Variants in SSBP3 observed in about 807,000 individuals in gnomAD.
The protein encoded by SSBP3 is single-stranded DNA-binding protein 3.
In SSBP3, 5 loss-of-function variants were observed where a neutral mutation model predicts 69.6. The observed-to-expected ratio is 0.07, with a 90% CI of 0.04 to 0.15. SSBP3 has a LOEUF of 0.15. Among genes scored for constraint, SSBP3 ranks in the 10% least tolerant of loss-of-function variants. SSBP3 has a pLI of 1.00. For missense variants in SSBP3, 312 were observed against 534.0 expected, an observed-to-expected ratio of 0.58 and a Z score of 4.10; for synonymous variants, 196 against 193.4, an observed-to-expected ratio of 1.01 and a Z score of -0.11.
At position 54,273,271 on chromosome 1, in the gene SSBP3, G is replaced by T. The variant is rs187874026; in HGVS notation, c.366+8167C>A. 2.0e-5 allele frequency among the ~76,000 whole-genome samples: 3 copies of T among 152,360 alleles called. No individual in the cohort carries two copies. In the East Asian group the frequency reaches 5.8e-4, roughly 29 times the overall value. ...CATGTGGAGTTCACGTTTTTCAGAGGGGGAGGGAGAGGCGGCTCAAGTGTG... is the reference window on the plus strand; with the variant it reads ...CATGTGGAGTTCACGTTTTTCAGAGTGGGAGGGAGAGGCGGCTCAAGTGTG... On this transcript the variant is annotated intron_variant, in intron 5 of 17. Transcript: ENST00000610401.
intron 4 of SSBP3, among the ~76,000 whole-genome samples, chr1:54,287,927 G>T (rs182642368): frequency 6.6e-6 from 1 of 152,138 alleles, no homozygotes; most frequent in Non-Finnish European, 1.5e-5. Context: ...ACCAGCTGAC[G>T]TTAAAAATAG....
At chr1:54,386,364 G>A (rs1294274022) in intron 4 of SSBP3, among the ~76,000 whole-genome samples, 3 of 152,154 alleles carry the variant, frequency 2.0e-5, no homozygotes, top group Admixed American at 6.5e-5. Flanking sequence ...AATGCCCCAC[G>A]GGCACAGCAC....
intron 4 of SSBP3, among the ~76,000 whole-genome samples, chr1:54,291,090 C>T (rs1645597950): frequency 6.6e-6 from 1 of 152,198 alleles, no homozygotes; most frequent in African/African-American, 2.4e-5. Flanking sequence ...CGCTCAGTTC[C>T]AATGACAACT....
At chr1:54,371,700 G>A (rs914233031) in intron 4 of SSBP3, among the ~76,000 whole-genome samples, 6 of 152,168 alleles carry the variant, frequency 3.9e-5, no homozygotes, top group African/African-American at 7.2e-5. Context: ...TGACAACTGC[G>A]TACAGGGACT....
chr1:54,233,731 G>C (rs528028455), intron 14 of SSBP3, among the ~76,000 whole-genome samples: 1 of 149,228 alleles, frequency 6.7e-6, no homozygotes, highest in African/African-American at 2.5e-5. Context: ...TCAGCCCCCC[G>C]CCCAGCCAGC....
chr1:54,407,826 T>A (rs1649885039), upstream of SSBP3, among the ~76,000 whole-genome samples: 1 of 139,054 alleles, frequency 7.2e-6, no homozygotes, highest in Non-Finnish European at 1.5e-5. Flanking sequence ...CTAACATGCC[T>A]CGCACCAAAC....
chr1:54,256,907 G>A (rs768058649), intron 7 of SSBP3, among the ~76,000 whole-genome samples: 2 of 152,198 alleles, frequency 1.3e-5, no homozygotes, highest in Non-Finnish European at 2.9e-5. Flanking sequence ...TCTGGAATGG[G>A]CTGTCCAAAG....
At chr1:54,276,483 C>T (rs1267632045) in intron 5 of SSBP3, among the ~76,000 whole-genome samples, 2 of 151,598 alleles carry the variant, frequency 1.3e-5, no homozygotes, top group Non-Finnish European at 1.5e-5. Flanking sequence ...TGGTGGTGAG[C>T]GCCTGTAATC....
intron 5 of SSBP3, among the ~76,000 whole-genome samples, chr1:54,276,094 C>T (rs603901): frequency 0.63 from 95,129 of 152,000 alleles, 30,404 homozygotes; most frequent in African/African-American, 0.74. Context: ...GAGGACTCAA[C>T]GGAAAGGGGA....
intron 4 of SSBP3, among the ~76,000 whole-genome samples, chr1:54,371,151 C>G (rs1356460317): frequency 6.6e-6 from 1 of 152,224 alleles, no homozygotes; most frequent in Non-Finnish European, 1.5e-5. Context: ...ACTTGTTCCA[C>G]TGCATTATTT....
chr1:54,392,564 T>C (rs567708436), intron 4 of SSBP3, among the ~76,000 whole-genome samples: 3 of 152,384 alleles, frequency 2.0e-5, no homozygotes, highest in South Asian at 2.1e-4. Context: ...GTTGGTTTCA[T>C]GATGTATTAA....
chr1:54,244,248 C>T (rs1022177751), intron 9 of SSBP3, among the ~76,000 whole-genome samples: 13 of 152,104 alleles, frequency 8.5e-5, no homozygotes, highest in African/African-American at 2.7e-4. Flanking sequence ...GGATTATAGG[C>T]GCCCACGACC....
At chr1:54,293,270 G>C (rs535747885) in intron 4 of SSBP3, among the ~76,000 whole-genome samples, 1 of 152,094 alleles carries the variant, frequency 6.6e-6, no homozygotes, top group Admixed American at 6.5e-5. Context: ...TTAGGATCCC[G>C]GTGAGAGATC....
chr1:54,240,472 AGGG>A (rs58775450), intron 13 of SSBP3, among the ~76,000 whole-genome samples: 8 of 63,344 alleles, frequency 1.3e-4, no homozygotes, highest in African/African-American at 4.2e-4. Context: ...GAAAAAAAAA[AGGG>A]GGGGGGGGCG....
chr1:54,320,228 T>C (rs1325825622), intron 4 of SSBP3, among the ~76,000 whole-genome samples: 1 of 152,196 alleles, frequency 6.6e-6, no homozygotes, highest in Non-Finnish European at 1.5e-5. Flanking sequence ...GGGGTGACAC[T>C]GGCCTTTTTC....
chr1:54,339,536 A>G (rs1013260967), intron 4 of SSBP3, among the ~76,000 whole-genome samples: 2 of 152,178 alleles, frequency 1.3e-5, no homozygotes, highest in Non-Finnish European at 2.9e-5. Flanking sequence ...TGCGAGTAAA[A>G]TACTAGCCTA....
intron 4 of SSBP3, among the ~76,000 whole-genome samples, chr1:54,350,897 G>A (rs1646771299): frequency 1.3e-5 from 2 of 152,000 alleles, no homozygotes; most frequent in South Asian, 2.1e-4. Context: ...GTGCAGTGGT[G>A]CAATCATAGC....
intron 5 of SSBP3, among the ~76,000 whole-genome samples, chr1:54,261,921 A>C (rs574434794): frequency 6.6e-6 from 1 of 152,090 alleles, no homozygotes; most frequent in South Asian, 2.1e-4. Context: ...TTCCTCCAAC[A>C]TTTGCAGGGG....
In SSBP3 at chr1:54,262,750, GGGGTCCACTGAC is replaced by G. The variant is rs1645037621; in HGVS notation, c.367-4613_367-4602del. 2.6e-5 allele frequency among the ~76,000 whole-genome samples: 4 copies of G among 152,316 alleles called. No individual in the cohort carries two copies. The South Asian group carries it at 8.3e-4, about 32-fold the overall frequency. On this transcript the variant is annotated intron_variant, in intron 5 of 17. Coordinates refer to ENST00000610401, the Ensembl canonical transcript of SSBP3. ...GCCAACCGGAACTGGGATGAGAACTGGGGTCCACTGACGGGTCAGAGCTCTTTCCACTGCACT... is the reference window on the plus strand; with the variant it reads ...GCCAACCGGAACTGGGATGAGAACTGGGGTCAGAGCTCTTTCCACTGCACT...
Sources: allele counts gnomAD v4.1 joint callset (sites outside exome capture counted in the v4.1 genomes callset), GRCh38; gene constraint gnomAD v4.1.1; transcripts MANE v1.5; gene names NCBI Gene and HGNC (gene_info 2026-07-23, HGNC 2026-07-21).